Variants in STXBP4 observed in about 807,000 individuals in gnomAD.
STXBP4 encodes the protein syntaxin-binding protein 4.
In STXBP4, 55 loss-of-function variants were observed where a neutral mutation model predicts 76.1. That is an observed-to-expected ratio of 0.72 (90% CI 0.58 to 0.91). The LOEUF (loss-of-function observed/expected upper bound fraction) is 0.91, where lower values mean the gene tolerates loss of function less well. STXBP4 is among the 40% of genes least tolerant of loss of function. The probability of loss-of-function intolerance (pLI) is 0.00; values close to 1 mark genes in which losing one functional copy is unlikely to be tolerated. For synonymous variants in STXBP4, 201 were observed against 220.2 expected (o/e 0.91, Z 0.77); for missense variants, 618 against 636.9 (o/e 0.97, Z 0.32).
At chr17:55,079,482 G>C (rs891776144) in intron 15 of STXBP4, among the ~76,000 whole-genome samples, 1 of 151,950 alleles carries the variant, frequency 6.6e-6, no homozygotes, top group Non-Finnish European at 1.5e-5. Context: ...ATGAGGTTGG[G>C]TGTGATGGTG....
chr17:55,093,253 G>A (rs1320613099), intron 16 of STXBP4, among the ~76,000 whole-genome samples: 1 of 152,092 alleles, frequency 6.6e-6, no homozygotes, highest in African/African-American at 2.4e-5. Flanking sequence ...GCCTCCCAAA[G>A]TGCTGGGATA....
intron 12 of STXBP4, among the ~76,000 whole-genome samples, chr17:55,064,286 G>T (rs2079024020): frequency 6.6e-6 from 1 of 152,008 alleles, no homozygotes; most frequent in Non-Finnish European, 1.5e-5. Context: ...TCCTGATGTG[G>T]TTGCTAGTGG....
chr17:55,105,085 G>A (rs189675), intron 16 of STXBP4, among the ~76,000 whole-genome samples: 54,965 of 151,810 alleles, frequency 0.36, 10,803 homozygotes, highest in East Asian at 0.54. Context: ...TCCTGGATTC[G>A]TTGATTTTTT....
intron 8 of STXBP4, among the ~76,000 whole-genome samples, chr17:55,015,422 C>T (rs2078188941): frequency 6.6e-6 from 1 of 152,208 alleles, no homozygotes; most frequent in African/African-American, 2.4e-5. Flanking sequence ...AACTCTTGGG[C>T]TGCAGTTATG....
the STXBP4 span, among the ~76,000 whole-genome samples, chr17:55,206,529 G>A: frequency 8.6e-5 from 13 of 151,976 alleles, no homozygotes; most frequent in African/African-American, 1.5e-4. Context: ...TCCTCCTACC[G>A]TTGTTGATGA....
At chr17:55,200,859 A>G in the STXBP4 span, among the ~76,000 whole-genome samples, 351 of 152,360 alleles carry the variant, frequency 2.3e-3, 1 homozygote, top group Middle Eastern at 0.017. Flanking sequence ...TATGTTAGAA[A>G]CAAAAAATAA....
rs543932491 is a variant in STXBP4 at position 54,993,565 on chromosome 17, T to C, written c.180+2608T>C. ...ATGGAGAGCTCTATGCATATGCATA[T>C]TCTTCAAATACAAAATTGATATAAC... On this transcript the variant is annotated intron_variant, in intron 4 of 17. Coordinates refer to ENST00000376352, the MANE Select transcript of STXBP4 (RefSeq NM_178509.6). Among the ~76,000 whole-genome samples the C allele has an allele frequency of 9.5e-4, 144 of 152,378 alleles. 1 individual carries two copies. The highest frequency in any genetic ancestry group is 3.4e-3 in the African/African-American group (142 of 41,586).
chr17:55,113,871 G>A (rs2079751393), intron 16 of STXBP4, among the ~76,000 whole-genome samples: 1 of 151,976 alleles, frequency 6.6e-6, no homozygotes, highest in African/African-American at 2.4e-5. Flanking sequence ...GCATATAGTG[G>A]CTAACAGCAT....
chr17:55,067,647 A>G (rs1212187638), intron 12 of STXBP4, among the ~76,000 whole-genome samples: 1 of 152,174 alleles, frequency 6.6e-6, no homozygotes, highest in African/African-American at 2.4e-5. Context: ...TTTGTTACCT[A>G]AGGTGGTACT....
At position 55,015,842 on chromosome 17, in the gene STXBP4, A is replaced by G. The variant is rs552713951; in HGVS notation, c.666+8245A>G. Among the ~76,000 whole-genome samples the G allele has an allele frequency of 2.0e-5, 3 of 152,258 alleles. No homozygotes were observed. The South Asian group carries it at 6.2e-4, about 32-fold the overall frequency. On this transcript the variant is annotated intron_variant, in intron 8 of 17. Transcript: ENST00000376352. Reference sequence around the variant, plus strand: ...TTACATAATTGCGAGTTGTCTCTTAATGAAAAGAAAGTTTGTACATATGGC... The same window carrying G: ...TTACATAATTGCGAGTTGTCTCTTAGTGAAAAGAAAGTTTGTACATATGGC...
rs2145200606 is a variant in STXBP4, at chr17:55,162,339, T to C, written c.*2428T>C. 6.6e-6 allele frequency: 1 copy of C among 152,350 alleles called. No individual in the cohort carries two copies. Among genetic ancestry groups the C allele is most frequent in the African/African-American group, 2.4e-5 (1 of 41,586 alleles). 9.4% of individuals were successfully genotyped at this position (152,350 alleles called of 1,614,324 possible). A position where few individuals can be genotyped will look rare whatever the true frequency, so the allele number is the denominator to read the frequency against. On this transcript the variant is annotated 3_prime_UTR_variant, in exon 18 of 18. Coordinates refer to ENST00000376352, the MANE Select transcript of STXBP4 (RefSeq NM_178509.6). The stretch of plus-strand genomic sequence containing the variant: ...ACATCAATCAACCGTAGCAATGTGG[T>C]CATCACGAAGTCTTCATTGACTCAC...
chr17:55,062,259 GC>G (rs779343036), intron 12 of STXBP4, among the ~76,000 whole-genome samples: 2 of 151,908 alleles, frequency 1.3e-5, no homozygotes, highest in Admixed American at 6.6e-5. Flanking sequence ...CCCCTGACAG[GC>G]CCCAGTGTGT....
chr17:54,976,443 AAACC>A lies in STXBP4; in HGVS notation c.-157+7634_-157+7637del, dbSNP rs536916382. On this transcript the variant is annotated intron_variant, in intron 1 of 17. Transcript: ENST00000376352. Reference sequence around the variant, plus strand: ...GTCTTATCTGAGTTACTTTCTCAGGAAACCAACCATCAGGCCTCCCAGATACTAT... The same window carrying A: ...GTCTTATCTGAGTTACTTTCTCAGGAAACCATCAGGCCTCCCAGATACTAT... Among the ~76,000 whole-genome samples, 379 of 152,344 alleles carry A rather than the reference AAACC, an allele frequency of 2.5e-3. 2 individuals are homozygous for A. The highest frequency in any genetic ancestry group is 4.2e-3 in the Non-Finnish European group (283 of 68,030).
intron 8 of STXBP4, among the ~76,000 whole-genome samples, chr17:55,013,860 G>A (rs1308878512): frequency 6.6e-6 from 1 of 152,114 alleles, no homozygotes; most frequent in Non-Finnish European, 1.5e-5. Flanking sequence ...ATCTTCAAAG[G>A]CAAACAAGAA....
rs558722649 is a variant in STXBP4 at position 55,050,961 on chromosome 17, C to T, written c.1011+3807C>T. 1.8e-4 allele frequency among the ~76,000 whole-genome samples: 27 copies of T among 152,216 alleles called. No homozygotes were observed. The East Asian group carries it at 5.0e-3, about 28-fold the overall frequency. On this transcript the variant is annotated intron_variant, in intron 12 of 17. Transcript: ENST00000376352. The stretch of plus-strand genomic sequence containing the variant: ...GGATTACAGGTGTGAGCCACTGCAC[C>T]GGGCCTGAAATGGTATTCTTAGAGA...
At chr17:55,131,687 A>G (rs902258182) in intron 16 of STXBP4, among the ~76,000 whole-genome samples, 14 of 152,106 alleles carry the variant, frequency 9.2e-5, no homozygotes, top group Non-Finnish European at 1.2e-4. Context: ...TTTTTTCCCA[A>G]TAGTTCCATT....
At chr17:55,049,470 A>G (rs560957906) in intron 12 of STXBP4, among the ~76,000 whole-genome samples, 68 of 152,162 alleles carry the variant, frequency 4.5e-4, no homozygotes, top group Middle Eastern at 3.4e-3. Context: ...AGAATACATC[A>G]TTTTGTTATA....
intron 8 of STXBP4, among the ~76,000 whole-genome samples, chr17:55,013,649 T>A (rs1019848869): frequency 8.5e-5 from 13 of 152,254 alleles, no homozygotes; most frequent in Non-Finnish European, 4.4e-5. Flanking sequence ...CGAGGAAATT[T>A]AAGAGTGCTT....
At chr17:55,149,553 A>G (rs577707914) in intron 17 of STXBP4, among the ~76,000 whole-genome samples, 1 of 152,330 alleles carries the variant, frequency 6.6e-6, no homozygotes, top group South Asian at 2.1e-4. Context: ...GCACATAATG[A>G]GTGCTTAACA....
Sources: allele counts gnomAD v4.1 joint callset (sites outside exome capture counted in the v4.1 genomes callset), GRCh38; gene constraint gnomAD v4.1.1; transcripts MANE v1.5; gene names NCBI Gene and HGNC (gene_info 2026-07-23, HGNC 2026-07-21).